The following CTNNB1 variants were observed in gnomAD, a reference collection of about 807,000 sequenced individuals.
CTNNB1 encodes the protein catenin beta 1, also known as catenin beta-1.
CTNNB1 carries 6 observed loss-of-function variants against 82.5 expected under a neutral mutation model. That is an observed-to-expected ratio of 0.07 (90% confidence interval 0.04 to 0.14). CTNNB1 has a LOEUF of 0.14. Among genes scored for constraint, CTNNB1 ranks in the 10% least tolerant of loss-of-function variants. The pLI is 1.00. For synonymous variants in CTNNB1, 312 were observed against 329.7 expected (o/e 0.95, Z 0.58); for missense variants, 529 against 980.4 (o/e 0.54, Z 6.15).
At chr3:41,221,362 T>C (rs1291346634) in intron 1 of CTNNB1, 2 of 152,128 alleles carry the variant, frequency 1.3e-5, no homozygotes, top group African/African-American at 4.8e-5. Context: ...TTAAATTCTT[T>C]TAAGAGACAG....
intron 6 of CTNNB1, among the ~76,000 whole-genome samples, chr3:41,226,320 G>A (rs536927499): frequency 1.3e-5 from 2 of 152,360 alleles, no homozygotes; most frequent in South Asian, 4.1e-4. Context: ...TAGGTGGGAT[G>A]TAGATGTTGG....
chr3:41,205,665 G>C (rs2077633110), intron 1 of CTNNB1, among the ~76,000 whole-genome samples: 1 of 151,754 alleles, frequency 6.6e-6, no homozygotes, highest in Non-Finnish European at 1.5e-5. Flanking sequence ...AACAGAGCGA[G>C]ACTCCATCTC....
Position 41,240,075 on chromosome 3 carries a change from CTAATTTT to C in CTNNB1, c.*737_*743del, listed in dbSNP as rs1265993853. On this transcript the variant is annotated 3_prime_UTR_variant, in exon 15 of 15. Coordinates refer to ENST00000349496, the MANE Select transcript of CTNNB1 (RefSeq NM_001904.4). ...ATAGTGAATACTGCTACAGCAATTTCTAATTTTTAAGAATTGAGTAATGGTGTAGAAC... is the reference window on the plus strand; with the variant it reads ...ATAGTGAATACTGCTACAGCAATTTCTAAGAATTGAGTAATGGTGTAGAAC... 1.4e-5 allele frequency: 2 copies of C among 139,324 alleles called. No homozygotes were observed. The highest frequency in any genetic ancestry group is 3.1e-5 in the African/African-American group (1 of 31,780). The allele number at this position is 139,324 out of a possible 1,614,324, so 8.6% of individuals were successfully genotyped here.
chr3:41,224,359 A>T lies in CTNNB1; in HGVS notation c.14-167A>T, dbSNP rs578255737. On this transcript the variant is annotated intron_variant, in intron 2 of 14. Coordinates refer to ENST00000349496, the MANE Select transcript of CTNNB1 (RefSeq NM_001904.4). Reference sequence around the variant, plus strand: ...TAGGTGGTTCCCTAAGGGATTAGGTATTTCATCACTGAGCTAACCCTGGCT... The same window carrying T: ...TAGGTGGTTCCCTAAGGGATTAGGTTTTTCATCACTGAGCTAACCCTGGCT... 5 of 763,052 alleles carry T rather than the reference A, an allele frequency of 6.6e-6. No homozygotes were observed. The African/African-American group carries it at 7.0e-5, about 11-fold the overall frequency. The allele number at this position is 763,052 out of a possible 1,614,324, so 47.3% of individuals were successfully genotyped here. A position where few individuals can be genotyped will look rare whatever the true frequency, so the allele number is the denominator to read the frequency against.
chr3:41,234,847 T>G (rs1224710906), intron 10 of CTNNB1: 1 of 165,340 alleles, frequency 6.0e-6, no homozygotes, highest in Non-Finnish European at 1.3e-5. Context: ...AAGTATAGTC[T>G]AATGACATTT....
intron 14 of CTNNB1, 69 bp from the exon 15 acceptor site, chr3:41,239,065 A>AT: frequency 7.6e-7 from 1 of 1,320,084 alleles, no homozygotes; most frequent in Non-Finnish European, 1.1e-6. Flanking sequence ...GTTAACGTCT[A>AT]TGTCTGCTTC....
At chr3:41,222,947 T>C (rs1232823556) in intron 1 of CTNNB1, among the ~76,000 whole-genome samples, 2 of 152,134 alleles carry the variant, frequency 1.3e-5, no homozygotes, top group Non-Finnish European at 2.9e-5. Context: ...AGATAGAAAC[T>C]AAGGCCAGGT....
intron 3 of CTNNB1, 26 bp from the exon 4 acceptor site, chr3:41,224,928 G>C (rs748570447): frequency 6.2e-7 from 1 of 1,614,078 alleles, no homozygotes; most frequent in Non-Finnish European, 8.5e-7. Flanking sequence ...ACTGTGGATA[G>C]TGAGTGTTGA....
intron 1 of CTNNB1, among the ~76,000 whole-genome samples, chr3:41,212,295 T>C (rs2077812074): frequency 6.6e-6 from 1 of 152,220 alleles, no homozygotes; most frequent in African/African-American, 2.4e-5. Flanking sequence ...CAATAAAGTT[T>C]TGTTGAATGA....
chr3:41,233,378 A>C lies in CTNNB1; in HGVS notation c.1119A>C (p.Pro373=). 6.2e-7 allele frequency: 1 copy of C among 1,614,264 alleles called. No individual in the cohort carries two copies. The highest frequency in any genetic ancestry group is 8.5e-7 in the Non-Finnish European group (1 of 1,180,054). Residue 373 remains proline (P), a synonymous_variant, in exon 8 of 15, where the codon CCA becomes CCC. Coordinates refer to ENST00000349496, the MANE Select transcript of CTNNB1 (RefSeq NM_001904.4). The stretch of plus-strand genomic sequence containing the variant: ...CTTTAGGACTTCACCTGACAGATCC[A>C]AGTCAACGTCTTGTTCAGAACTGTC... ...MQALGLHLTD[P]SQRLVQNCLW...
In CTNNB1 at chr3:41,225,286, A is replaced by T; in HGVS notation, c.496-48A>T. The T allele has an allele frequency of 6.2e-7, 1 of 1,613,706 alleles. No individual in the cohort carries two copies. The highest frequency in any genetic ancestry group is 8.5e-7 in the Non-Finnish European group (1 of 1,179,654). On this transcript the variant is annotated intron_variant, in intron 4 of 14. Coordinates refer to ENST00000349496, the MANE Select transcript of CTNNB1 (RefSeq NM_001904.4). This position sits in a 1 kb window ranked among gnomAD's most constrained non-coding sequence, Gnocchi z 5.3. ...GGAGTAGTTTCAGAATGTCTACCCAATACCAGTACTTGAAAACTAACGATG... is the reference window on the plus strand; with the variant it reads ...GGAGTAGTTTCAGAATGTCTACCCATTACCAGTACTTGAAAACTAACGATG...
intron 14 of CTNNB1, chr3:41,238,595 C>G (rs911147696): frequency 1.0e-5 from 2 of 195,668 alleles, no homozygotes; most frequent in South Asian, 2.0e-4. Flanking sequence ...ATTATGAAAC[C>G]ACTAAAGCGC....
At chr3:41,233,314 G>A (rs1398393589) in intron 7 of CTNNB1, 27 bp from the exon 8 acceptor site, 1 of 1,590,522 alleles carries the variant, frequency 6.3e-7, no homozygotes, top group Non-Finnish European at 8.6e-7. Context: ...TAATGACTAG[G>A]GCCTTATATC....
intron 1 of CTNNB1, among the ~76,000 whole-genome samples, chr3:41,214,111 C>T (rs1376061829): frequency 6.6e-6 from 1 of 152,132 alleles, no homozygotes; most frequent in African/African-American, 2.4e-5. Context: ...GTTTTTTCTT[C>T]TTTAACTTGG....
intron 1 of CTNNB1, among the ~76,000 whole-genome samples, chr3:41,220,377 C>G (rs945726753): frequency 2.0e-5 from 3 of 151,542 alleles, no homozygotes; most frequent in Non-Finnish European, 4.4e-5. Flanking sequence ...CTTGAGAACA[C>G]ACACACCCAC....
chr3:41,237,697 C>CTTTTT, intron 13 of CTNNB1: 1 of 139,832 alleles, frequency 7.2e-6, no homozygotes, highest in Non-Finnish European at 1.4e-5. Context: ...GGCATTTTGC[C>CTTTTT]TTTTTTTTTT....
chr3:41,216,198 A>C (rs2077914005), intron 1 of CTNNB1, among the ~76,000 whole-genome samples: 1 of 152,220 alleles, frequency 6.6e-6, no homozygotes, highest in Non-Finnish European at 1.5e-5. Context: ...AGATTCAATG[A>C]GATAACATAC....
chr3:41,200,719 G>C (rs1460604344), intron 1 of CTNNB1, among the ~76,000 whole-genome samples: 1 of 152,172 alleles, frequency 6.6e-6, no homozygotes, highest in Admixed American at 6.5e-5. Flanking sequence ...AGAGGACTTT[G>C]AACCGAGACT....
chr3:41,224,932 G>A (rs770161910), intron 3 of CTNNB1, 22 bp from the exon 4 acceptor site: 1 of 1,614,092 alleles, frequency 6.2e-7, no homozygotes, highest in Non-Finnish European at 8.5e-7. Context: ...TGGATAGTGA[G>A]TGTTGAATTA....
Sources: allele counts gnomAD v4.1 joint callset (sites outside exome capture counted in the v4.1 genomes callset), GRCh38; gene constraint gnomAD v4.1.1; non-coding constraint Gnocchi (gnomAD v3.1); transcripts MANE v1.5; gene names NCBI Gene and HGNC (gene_info 2026-07-23, HGNC 2026-07-21).